KIAA1671: variants seen among roughly 807,000 people sequenced by gnomAD.
KIAA1671 encodes the protein KIAA1671, also known as uncharacterized protein KIAA1671.
In KIAA1671, 52 loss-of-function variants were observed where a neutral mutation model predicts 131.2. That is an observed-to-expected ratio of 0.40 (90% CI 0.32 to 0.50). The LOEUF (loss-of-function observed/expected upper bound fraction) is 0.50, where lower values mean the gene tolerates loss of function less well. Ranked by LOEUF, KIAA1671 falls within the 20% of genes least tolerant of loss-of-function variation. The pLI is 0.73. For missense variants in KIAA1671, 2,360 were observed against 2,364.2 expected (o/e 1.00, Z 0.04); for synonymous variants, 1,003 against 961.6 (o/e 1.04, Z -0.80).
intron 5 of KIAA1671, 107 bp downstream of exon 5, chr22:25,041,632 G>C: frequency 8.4e-7 from 1 of 1,189,500 alleles, no homozygotes; most frequent in Non-Finnish European, 1.1e-6. Context: ...ATAAATGAGT[G>C]GAGTCAGGCT....
At chr22:25,122,845 G>A (rs1278988499) in intron 6 of KIAA1671, among the ~76,000 whole-genome samples, 1 of 152,064 alleles carries the variant, frequency 6.6e-6, no homozygotes, top group African/African-American at 2.4e-5. Flanking sequence ...CGTGATGGTG[G>A]GCGCCTGTAG....
intron 1 of KIAA1671, among the ~76,000 whole-genome samples, chr22:24,986,662 T>TCCAC (rs1569198991): frequency 6.3e-5 from 1 of 15,792 alleles, no homozygotes. Flanking sequence ...CACCCACCCA[T>TCCAC]CCACCCACCC....
Position 25,027,987 on chromosome 22 carries a change from C to A in KIAA1671, c.-13C>A, listed in dbSNP as rs1268038948. On this transcript the variant is annotated 5_prime_UTR_variant, in exon 3 of 13. Coordinates refer to ENST00000358431, the MANE Select transcript of KIAA1671 (RefSeq NM_001145206.2). ...TTGAAGTTCCTAACCCCCATGAATC[C>A]ACAACCATAACCATGGCCACGCGGG... 6.9e-7 allele frequency: 1 copy of A among 1,458,652 alleles called. No homozygotes were observed. The highest frequency in any genetic ancestry group is 9.1e-7 in the Non-Finnish European group (1 of 1,100,982). The allele number at this position is 1,458,652 out of a possible 1,614,324, so 90.4% of individuals were successfully genotyped here.
In KIAA1671 at chr22:25,005,087, C is replaced by T. The variant is rs543524208; in HGVS notation, c.-207-20546C>T. Reference sequence around the variant, plus strand: ...AAGGTTGGCTGGGTGCAGTGGCTCACGCCTGTAATCCCAGCACTTTGGGAG... The same window carrying T: ...AAGGTTGGCTGGGTGCAGTGGCTCATGCCTGTAATCCCAGCACTTTGGGAG... On this transcript the variant is annotated intron_variant, in intron 1 of 12. Transcript: ENST00000358431. 2.5e-3 allele frequency among the ~76,000 whole-genome samples: 375 copies of T among 152,004 alleles called. 3 individuals carry two copies. Among genetic ancestry groups the T allele is most frequent in the Non-Finnish European group, 4.1e-3 (278 of 67,974 alleles).
At position 25,193,553 on chromosome 22, in the gene KIAA1671, A is replaced by G. The variant is rs1037654504; in HGVS notation, c.*1152A>G. 2 of 152,332 alleles carry G rather than the reference A, an allele frequency of 1.3e-5. No homozygotes were observed. Among genetic ancestry groups the G allele is most frequent in the Non-Finnish European group, 2.9e-5 (2 of 68,034 alleles). The allele number at this position is 152,332 out of a possible 1,614,324, so 9.4% of individuals were successfully genotyped here. On this transcript the variant is annotated 3_prime_UTR_variant, in exon 13 of 13. Coordinates refer to ENST00000358431, the MANE Select transcript of KIAA1671 (RefSeq NM_001145206.2). Reference sequence around the variant, plus strand: ...TCCATTATTTGCAAATGCTGTCAAAACATGCTTTCCTTCTCCCTGGCTACC... The same window carrying G: ...TCCATTATTTGCAAATGCTGTCAAAGCATGCTTTCCTTCTCCCTGGCTACC...
intron 1 of KIAA1671, among the ~76,000 whole-genome samples, chr22:24,963,939 CAAA>C (rs774845548): frequency 3.0e-5 from 2 of 66,308 alleles, no homozygotes; most frequent in Non-Finnish European, 6.4e-5. Context: ...GATTCCATCT[CAAA>C]AAAAAAAAAA....
chr22:25,026,234 T>A (rs1925935951), intron 2 of KIAA1671, among the ~76,000 whole-genome samples: 1 of 151,912 alleles, frequency 6.6e-6, no homozygotes, highest in Non-Finnish European at 1.5e-5. Flanking sequence ...GGGGGAGCAG[T>A]GTGGGGCCCC....
chr22:25,153,009 C>T (rs763704071), intron 6 of KIAA1671, among the ~76,000 whole-genome samples: 1 of 152,096 alleles, frequency 6.6e-6, no homozygotes, highest in Non-Finnish European at 1.5e-5. Flanking sequence ...TGTTGTCCTA[C>T]TCACATGTTC....
chr22:25,144,012 A>C (rs1381003466), intron 6 of KIAA1671, among the ~76,000 whole-genome samples: 1 of 152,124 alleles, frequency 6.6e-6, no homozygotes, highest in Non-Finnish European at 1.5e-5. Context: ...CTGTATAAAA[A>C]AAAAAATGAA....
intron 5 of KIAA1671, among the ~76,000 whole-genome samples, chr22:25,046,401 T>TCCC (rs1473571550): frequency 0.085 from 12,862 of 151,124 alleles, 1,962 homozygotes; most frequent in African/African-American, 0.3. Context: ...ATTAAAGTGA[T>TCCC]TCCTTCCTCT....
At chr22:24,967,161 TA>T (rs1202421353) in intron 1 of KIAA1671, among the ~76,000 whole-genome samples, 1 of 152,192 alleles carries the variant, frequency 6.6e-6, no homozygotes, top group Non-Finnish European at 1.5e-5. Flanking sequence ...ACCAGCCTTT[TA>T]AAAGACAGGG....
Position 25,041,265 on chromosome 22 carries a change from T to G in KIAA1671, c.4135T>G (p.Ser1379Ala). ...TDQKKGTPRK[S>A]TGRGEEDSVA... ...CCAGAAGAAAGGGACCCCAAGGAAATCCACCGGGCGGGGAGAGGAGGACAG... is the reference window on the plus strand; with the variant it reads ...CCAGAAGAAAGGGACCCCAAGGAAAGCCACCGGGCGGGGAGAGGAGGACAG... The change falls in exon 5 of 13, where the codon TCC (serine) becomes GCC (alanine). Residue 1379 changes from serine to alanine, a missense_variant. By Grantham distance (99) the Ser-to-Ala change is moderately conservative. This residue lies in a region of KIAA1671 where 1,161 missense variants were observed against 1,204.7 expected (regional missense o/e 0.96). Coordinates refer to ENST00000358431, the MANE Select transcript of KIAA1671 (RefSeq NM_001145206.2). 6.4e-7 allele frequency: 1 copy of G among 1,551,598 alleles called. No individual in the cohort carries two copies. The highest frequency in any genetic ancestry group is 2.0e-5 in the Admixed American group (1 of 50,984).
chr22:25,189,572 T>C (rs1934600722), intron 11 of KIAA1671, among the ~76,000 whole-genome samples: 1 of 152,224 alleles, frequency 6.6e-6, no homozygotes, highest in Non-Finnish European at 1.5e-5. Flanking sequence ...GATTTAAATG[T>C]TAACCTCATC....
intron 6 of KIAA1671, among the ~76,000 whole-genome samples, chr22:25,087,261 G>T (rs2145873006): frequency 6.6e-6 from 1 of 151,734 alleles, no homozygotes; most frequent in African/African-American, 2.4e-5. Flanking sequence ...ATTTAGTTTG[G>T]AATCAGTGGA....
Position 25,119,090 on chromosome 22 carries a change from G to C in KIAA1671, c.4531-51730G>C, listed in dbSNP as rs145845306. 7.9e-5 allele frequency among the ~76,000 whole-genome samples: 12 copies of C among 152,306 alleles called. No homozygotes were observed. In the East Asian group the frequency reaches 2.1e-3, roughly 27 times the overall value. On this transcript the variant is annotated intron_variant, in intron 6 of 12. Transcript: ENST00000358431. ...GGATGTAAGGTCCATGAGGGCCAGGGCTTTGGCCGTCCTGGTTCACCTTGA... is the reference window on the plus strand; with the variant it reads ...GGATGTAAGGTCCATGAGGGCCAGGCCTTTGGCCGTCCTGGTTCACCTTGA...
At chr22:24,963,759 T>G (rs1922141618) in intron 1 of KIAA1671, among the ~76,000 whole-genome samples, 1 of 150,922 alleles carries the variant, frequency 6.6e-6, no homozygotes, top group African/African-American at 2.4e-5. Context: ...GCTAACATGG[T>G]GAAACCCCGT....
intron 6 of KIAA1671, among the ~76,000 whole-genome samples, chr22:25,160,299 G>C (rs1278326964): frequency 6.6e-6 from 1 of 152,142 alleles, no homozygotes; most frequent in Admixed American, 6.5e-5. Flanking sequence ...GGTGCACACG[G>C]GTGTGCCCCT....
rs1923397941 is a variant in KIAA1671 at position 24,984,306 on chromosome 22, C to T, written c.-208+31534C>T. ...CTTTTATCTCTTGAGGAAATGCAGG[C>T]CCAGAGAGGTTAAGCAGTTTTCTTA... On this transcript the variant is annotated intron_variant, in intron 1 of 12. Coordinates refer to ENST00000358431, the MANE Select transcript of KIAA1671 (RefSeq NM_001145206.2). Among the ~76,000 whole-genome samples the T allele has an allele frequency of 2.6e-5, 4 of 152,140 alleles. No individual in the cohort carries two copies. In the South Asian group the frequency reaches 8.3e-4, roughly 32 times the overall value.
chr22:25,119,293 A>G (rs1326746378), intron 6 of KIAA1671, among the ~76,000 whole-genome samples: 1 of 152,188 alleles, frequency 6.6e-6, no homozygotes, highest in Admixed American at 6.5e-5. Context: ...AGAGATGACA[A>G]GAAGTGTACG....
Sources: allele counts gnomAD v4.1 joint callset (sites outside exome capture counted in the v4.1 genomes callset), GRCh38; gene constraint gnomAD v4.1.1; regional missense constraint gnomAD v4.1.1; transcripts MANE v1.5; gene names NCBI Gene and HGNC (gene_info 2026-07-23, HGNC 2026-07-21).